The following SIMC1 variants were observed in gnomAD, a reference collection of about 807,000 sequenced individuals.
SIMC1 encodes the protein SUMO interacting motifs containing 1.
SIMC1 carries 55 observed loss-of-function variants against 82.3 expected under a neutral mutation model. The ratio of observed to expected loss-of-function variants is 0.67; its 90% CI spans 0.54 to 0.84. SIMC1 has a LOEUF of 0.84. Ranked by LOEUF, SIMC1 falls within the 40% of genes least tolerant of loss-of-function variation. The probability of loss-of-function intolerance (pLI) is 0.00; values close to 1 mark genes in which losing one functional copy is unlikely to be tolerated. For synonymous variants in SIMC1, 353 were observed against 426.3 expected (o/e 0.83, Z 2.12); for missense variants, 915 against 1,107.2 (o/e 0.83, Z 2.46).
At chr5:176,324,849 C>T in intron 7 of SIMC1, 92 bp downstream of exon 7, 1 of 1,383,402 alleles carries the variant, frequency 7.2e-7, no homozygotes, top group Non-Finnish European at 9.6e-7. Flanking sequence ...ACTTTTCTAT[C>T]TATGCTACCT....
intron 1 of SIMC1, among the ~76,000 whole-genome samples, chr5:176,279,409 C>T (rs951377717): frequency 1.6e-4 from 25 of 151,882 alleles, no homozygotes; most frequent in Non-Finnish European, 2.2e-4. Flanking sequence ...TTTTGTTGAT[C>T]GTTTCAAAAA....
At chr5:176,295,318 G>A (rs1249712807) in intron 3 of SIMC1, 56 bp downstream of exon 3, 1 of 1,524,238 alleles carries the variant, frequency 6.6e-7, no homozygotes, top group Non-Finnish European at 8.8e-7. Context: ...TGGACTCAGG[G>A]CATAGCTTTC....
At chr5:176,309,363 T>C (rs771661909) in intron 4 of SIMC1, among the ~76,000 whole-genome samples, 4 of 152,188 alleles carry the variant, frequency 2.6e-5, no homozygotes, top group Non-Finnish European at 5.9e-5. Context: ...ACATCTTATA[T>C]AAAATTTAAT....
chr5:176,249,618 A>G (rs1761574564), intron 1 of SIMC1, among the ~76,000 whole-genome samples: 1 of 152,000 alleles, frequency 6.6e-6, no homozygotes, highest in Non-Finnish European at 1.5e-5. Context: ...AGGTGGGCAT[A>G]TCACAAGGTC....
At chr5:176,274,433 A>C (rs1174059214) in intron 1 of SIMC1, among the ~76,000 whole-genome samples, 1 of 151,554 alleles carries the variant, frequency 6.6e-6, no homozygotes. Context: ...AGGTTGCAAA[A>C]ATTTTCTCCA....
At chr5:176,263,547 C>A (rs1388391446) in intron 1 of SIMC1, 9 of 1,410,478 alleles carry the variant, frequency 6.4e-6, no homozygotes, top group Non-Finnish European at 9.3e-7. Flanking sequence ...AAAGAACATT[C>A]ATATTTTGCA....
At chr5:176,294,384 A>G (rs551679378) in intron 2 of SIMC1, among the ~76,000 whole-genome samples, 4 of 152,160 alleles carry the variant, frequency 2.6e-5, no homozygotes, top group South Asian at 2.1e-4. Context: ...GGTTTAAGCA[A>G]TTCTCATGTC....
At chr5:176,248,281 G>C (rs1258530227) in intron 1 of SIMC1, among the ~76,000 whole-genome samples, 1 of 151,814 alleles carries the variant, frequency 6.6e-6, no homozygotes, top group African/African-American at 2.4e-5. Flanking sequence ...CTTTTATTTC[G>C]TTGAGCAGTG....
intron 4 of SIMC1, among the ~76,000 whole-genome samples, chr5:176,307,537 A>G (rs891207294): frequency 1.3e-5 from 2 of 152,068 alleles, no homozygotes; most frequent in East Asian, 1.9e-4. Context: ...AGTAGCTGGG[A>G]CTACAGGCGC....
chr5:176,286,737 A>G (rs1031265189), intron 1 of SIMC1, among the ~76,000 whole-genome samples: 1 of 152,236 alleles, frequency 6.6e-6, no homozygotes, highest in South Asian at 2.1e-4. Flanking sequence ...TGCCCATCTG[A>G]CAAAGGGCTA....
intron 7 of SIMC1, among the ~76,000 whole-genome samples, chr5:176,325,637 G>T (rs1468709552): frequency 6.6e-6 from 1 of 152,162 alleles, no homozygotes; most frequent in Non-Finnish European, 1.5e-5. Context: ...AGTGAGCTGA[G>T]ATGGCGCCAC....
chr5:176,324,581 T>C, intron 6 of SIMC1, 48 bp from the exon 7 acceptor site: 1 of 1,584,584 alleles, frequency 6.3e-7, no homozygotes. Flanking sequence ...AGAGAGTGGC[T>C]CCTTGCCAGA....
chr5:176,339,624 A>G (rs1259225424), intron 9 of SIMC1, among the ~76,000 whole-genome samples: 3 of 152,208 alleles, frequency 2.0e-5, no homozygotes, highest in Non-Finnish European at 4.4e-5. Flanking sequence ...GAATACACCT[A>G]TCATGGGCAA....
At chr5:176,327,190 A>G (rs1765431276) in intron 7 of SIMC1, among the ~76,000 whole-genome samples, 1 of 152,206 alleles carries the variant, frequency 6.6e-6, no homozygotes, top group Admixed American at 6.5e-5. Context: ...AAACAGACAA[A>G]CATGATTTAT....
intron 1 of SIMC1, among the ~76,000 whole-genome samples, chr5:176,269,037 C>G (rs1278395340): frequency 6.6e-6 from 1 of 152,056 alleles, no homozygotes; most frequent in African/African-American, 2.4e-5. Flanking sequence ...AAAATTGTGT[C>G]CTTCAGAAAA....
chr5:176,300,259 G>A (rs1000507898), intron 4 of SIMC1, among the ~76,000 whole-genome samples: 1 of 152,158 alleles, frequency 6.6e-6, no homozygotes, highest in Non-Finnish European at 1.5e-5. Context: ...AAAGATTAGA[G>A]CAGAGATAAA....
intron 1 of SIMC1, chr5:176,263,379 A>T: frequency 6.7e-7 from 1 of 1,482,002 alleles, no homozygotes. Flanking sequence ...TGAGTCATTT[A>T]TAAAGAAAAG....
chr5:176,339,990 G>A (rs1186664356), intron 9 of SIMC1, among the ~76,000 whole-genome samples: 2 of 152,202 alleles, frequency 1.3e-5, no homozygotes, highest in African/African-American at 4.8e-5. Context: ...TTTGAGATCA[G>A]TCTGAGTTGT....
intron 1 of SIMC1, among the ~76,000 whole-genome samples, chr5:176,276,284 T>G (rs2113201939): frequency 6.6e-6 from 1 of 151,672 alleles, no homozygotes; most frequent in East Asian, 1.9e-4. Flanking sequence ...TATTCTCTGA[T>G]GGTAGTTTGT....
Sources: gnomAD v4.1 joint callset for allele counts (sites outside exome capture counted in the v4.1 genomes callset) on GRCh38, gnomAD v4.1.1 for gene constraint, MANE v1.5 for transcripts, NCBI Gene and HGNC (gene_info 2026-07-23, HGNC 2026-07-21) for gene names.